PAIP1: variants seen among roughly 807,000 people sequenced by gnomAD.
PAIP1 encodes poly(A) binding protein interacting protein 1, also known as polyadenylate-binding protein-interacting protein 1.
A neutral mutation model predicts 61.3 loss-of-function variants in PAIP1; 16 were observed. That is an observed-to-expected ratio of 0.26 (90% CI 0.18 to 0.40). The LOEUF (loss-of-function observed/expected upper bound fraction) is 0.40, where lower values mean the gene tolerates loss of function less well. PAIP1 is among the 10% of genes least tolerant of loss of function. PAIP1 has a pLI of 1.00. For missense variants in PAIP1, 416 were observed against 600.9 expected, an observed-to-expected ratio of 0.69 and a Z score of 3.22; for synonymous variants, 187 against 226.2, an observed-to-expected ratio of 0.83 and a Z score of 1.56.
intron 2 of PAIP1, among the ~76,000 whole-genome samples, chr5:43,555,354 A>G (rs1424974983): frequency 2.6e-5 from 4 of 152,198 alleles, no homozygotes; most frequent in African/African-American, 9.7e-5. Flanking sequence ...CTATGCATTT[A>G]CTCATCTGGG....
At position 43,547,042 on chromosome 5, in the gene PAIP1, CAAAAAAAAAAAAAAA is replaced by C. The variant is rs766493987; in HGVS notation, c.621+671_621+685del. ...TGGGAGACAGGGCAAGACTCCATAT[CAAAAAAAAAAAAAAA>C]AAAAAAAAAAAAGCGTTAATATGTT... On this transcript the variant is annotated intron_variant, in intron 3 of 10. Coordinates refer to ENST00000306846, the MANE Select transcript of PAIP1 (RefSeq NM_006451.5). Among the ~76,000 whole-genome samples the C allele has an allele frequency of 2.0e-3, 72 of 35,668 alleles. No homozygotes were observed. In the Middle Eastern group the frequency reaches 0.23, roughly 113 times the overall value. 23.4% of individuals were successfully genotyped at this position (35,668 alleles called of 152,430 possible).
chr5:43,557,033 C>T lies in PAIP1; in HGVS notation c.-187G>A. The T allele has an allele frequency of 9.4e-7, 1 of 1,069,094 alleles. No homozygotes were observed. Among genetic ancestry groups the T allele is most frequent in the Non-Finnish European group, 1.2e-6 (1 of 836,044 alleles). The allele number at this position is 1,069,094 out of a possible 1,614,324, so 66.2% of individuals were successfully genotyped here. ...CGGAGCGGACGGCAGCCCGAGCACC[C>T]GCCGCTCCAGAGCGCCCGCCCCGCT... On this transcript the variant is annotated 5_prime_UTR_variant, in exon 1 of 11. Transcript: ENST00000306846.
chr5:43,543,700 GA>G (rs70997413), intron 3 of PAIP1, among the ~76,000 whole-genome samples: 1,433 of 135,530 alleles, frequency 0.011, 6 homozygotes, highest in Middle Eastern at 0.019. Context: ...CTTAAAAACA[GA>G]AAAAAAAAAA....
chr5:43,535,425 C>CCATTTT, intron 7 of PAIP1, 109 bp downstream of exon 7: 1 of 679,638 alleles, frequency 1.5e-6, no homozygotes, highest in Non-Finnish European at 2.6e-6. Context: ...TTTGTATATC[C>CCATTTT]GTTAGCCATC....
intron 4 of PAIP1, among the ~76,000 whole-genome samples, chr5:43,540,468 G>C (rs895274628): frequency 6.6e-5 from 10 of 151,972 alleles, no homozygotes; most frequent in Non-Finnish European, 1.0e-4. Context: ...CTACATAATT[G>C]ACTAGGTGAA....
chr5:43,556,350 C>T, intron 1 of PAIP1: 2 of 1,235,014 alleles, frequency 1.6e-6, no homozygotes, highest in Non-Finnish European at 2.0e-6. Flanking sequence ...CCCCGAACTC[C>T]GAGACCGCGC....
At chr5:43,543,155 A>T (rs745412854) in intron 3 of PAIP1, 39 bp from the exon 4 acceptor site, 8 of 1,000,016 alleles carry the variant, frequency 8.0e-6, no homozygotes, top group African/African-American at 5.0e-5. Flanking sequence ...ACATAGGTAC[A>T]TCATTATTAA....
intron 2 of PAIP1, among the ~76,000 whole-genome samples, chr5:43,551,745 C>CTTTTTT (rs10640960): frequency 1.4e-5 from 2 of 142,958 alleles, no homozygotes; most frequent in Admixed American, 7.0e-5. Context: ...GATTTGCAAT[C>CTTTTTT]TTTTTTTTTT....
At chr5:43,551,050 A>T (rs1747849382) in intron 2 of PAIP1, among the ~76,000 whole-genome samples, 1 of 152,120 alleles carries the variant, frequency 6.6e-6, no homozygotes, top group African/African-American at 2.4e-5. Flanking sequence ...GGTGGTAACT[A>T]ATGAGGTCAA....
chr5:43,528,665 A>G (rs1004025610), intron 10 of PAIP1, among the ~76,000 whole-genome samples: 5 of 152,184 alleles, frequency 3.3e-5, no homozygotes, highest in African/African-American at 1.2e-4. Flanking sequence ...CTAGATCTCA[A>G]ACCGACACAT....
At chr5:43,549,595 ATC>A (rs1222454148) in intron 2 of PAIP1, among the ~76,000 whole-genome samples, 1 of 151,800 alleles carries the variant, frequency 6.6e-6, no homozygotes, top group African/African-American at 2.4e-5. Context: ...GTCCAATTAA[ATC>A]TCTTTTTCTT....
chr5:43,555,333 AT>A (rs1748018158), intron 2 of PAIP1, among the ~76,000 whole-genome samples: 1 of 152,234 alleles, frequency 6.6e-6, no homozygotes, highest in Admixed American at 6.5e-5. Context: ...CCACTTCTCT[AT>A]AATTAATCCC....
At chr5:43,548,621 C>T (rs1407989414) in intron 2 of PAIP1, among the ~76,000 whole-genome samples, 1 of 152,134 alleles carries the variant, frequency 6.6e-6, no homozygotes, top group Non-Finnish European at 1.5e-5. Flanking sequence ...CCAACCTTTT[C>T]ATTAATGGCA....
chr5:43,542,303 T>A (rs1561233508), intron 4 of PAIP1, among the ~76,000 whole-genome samples: 1 of 151,178 alleles, frequency 6.6e-6, no homozygotes, highest in Non-Finnish European at 1.5e-5. Flanking sequence ...GAGGCTGAGG[T>A]GGGTGGATCA....
At position 43,556,829 on chromosome 5, in the gene PAIP1, A is replaced by G. The variant is rs1199818524; in HGVS notation, c.18T>C (p.Asp6=). 1.4e-6 allele frequency: 2 copies of G among 1,451,168 alleles called. No homozygotes were observed. Among genetic ancestry groups the G allele is most frequent in the African/African-American group, 1.5e-5 (1 of 67,276 alleles). The allele number at this position is 1,451,168 out of a possible 1,614,324, so 89.9% of individuals were successfully genotyped here. MSDGF[D]RAPGAGRGRS... is the part of the protein sequence containing the mutation. ...GGCCCCGACCAGCACCTGGGGCCCG[A>G]TCGAAACCGTCCGACATGCTCCTCC... Residue 6 remains aspartate (D), a synonymous_variant, in exon 1 of 11, where the codon GAT becomes GAC. Coordinates refer to ENST00000306846, the MANE Select transcript of PAIP1 (RefSeq NM_006451.5).
At chr5:43,551,158 G>C (rs1346290802) in intron 2 of PAIP1, among the ~76,000 whole-genome samples, 2 of 152,086 alleles carry the variant, frequency 1.3e-5, no homozygotes, top group Non-Finnish European at 2.9e-5. Flanking sequence ...AAGAGGGTTT[G>C]AACAAGGAAG....
In PAIP1 at chr5:43,556,951, C is replaced by A; in HGVS notation, c.-105G>T. On this transcript the variant is annotated 5_prime_UTR_variant, in exon 1 of 11. It introduces an in-frame stop codon into an upstream open reading frame of the 5' UTR. Transcript: ENST00000306846. ...TCGGCTATAGCCGCCGCGCCTCACT[C>A]GGGCCTCATGGAGGAGGAGGGCGGC... is the stretch of plus-strand genomic sequence containing the variant. 7.9e-7 allele frequency: 1 copy of A among 1,269,570 alleles called. No individual in the cohort carries two copies. Among genetic ancestry groups the A allele is most frequent in the Non-Finnish European group, 9.9e-7 (1 of 1,007,262 alleles). 78.6% of individuals were successfully genotyped at this position (1,269,570 alleles called of 1,614,324 possible). A position where few individuals can be genotyped will look rare whatever the true frequency, so the allele number is the denominator to read the frequency against.
chr5:43,547,037 CAT>C (rs1747663583), intron 3 of PAIP1, among the ~76,000 whole-genome samples: 1 of 11,998 alleles, frequency 8.3e-5, no homozygotes, highest in African/African-American at 3.9e-4. Flanking sequence ...GGCAAGACTC[CAT>C]ATCAAAAAAA....
chr5:43,536,488 A>C (rs939275641), intron 6 of PAIP1, among the ~76,000 whole-genome samples: 2 of 152,162 alleles, frequency 1.3e-5, no homozygotes, highest in Non-Finnish European at 2.9e-5. Context: ...AAAATCTAAG[A>C]TGTTTCATTA....
Sources: gnomAD v4.1 joint callset for allele counts (sites outside exome capture counted in the v4.1 genomes callset) on GRCh38, gnomAD v4.1.1 for gene constraint, MANE v1.5 for transcripts, NCBI Gene and HGNC (gene_info 2026-07-23, HGNC 2026-07-21) for gene names.